KCNQ1: variants seen among roughly 807,000 people sequenced by gnomAD.
KCNQ1 encodes the protein potassium voltage-gated channel subfamily Q member 1.
Under a neutral mutation model 72.4 loss-of-function variants are expected in KCNQ1, and 49 were observed. That is an observed-to-expected ratio of 0.68 (90% CI 0.54 to 0.86). The LOEUF is 0.86. Among genes scored for constraint, KCNQ1 ranks in the 40% least tolerant of loss-of-function variants. KCNQ1 has a pLI of 0.00. For synonymous variants in KCNQ1, 450 were observed against 412.6 expected (o/e 1.09, Z -1.10); for missense variants, 790 against 945.1 (o/e 0.84, Z 2.15).
In KCNQ1 at chr11:2,769,055, CCTAT is replaced by C. The variant is rs1846546457; in HGVS notation, c.1590+139_1590+142del. On this transcript the variant is annotated intron_variant, in intron 12 of 15. Transcript: ENST00000155840. The surrounding 1 kb of genome is among the most constrained non-coding windows in gnomAD (Gnocchi z 4.6). ...TCCGCCCCCAAGCCACACAGGCAGGCCTATCTGAGACCTGACAGTGCCTACCCCA... is the reference window on the plus strand; with the variant it reads ...TCCGCCCCCAAGCCACACAGGCAGGCCTGAGACCTGACAGTGCCTACCCCA... 1.3e-6 allele frequency: 1 copy of C among 782,766 alleles called. No homozygotes were observed. The allele number at this position is 782,766 out of a possible 1,614,324, so 48.5% of individuals were successfully genotyped here. A position where few individuals can be genotyped will look rare whatever the true frequency, so the allele number is the denominator to read the frequency against.
At chr11:2,580,745 T>C (rs1848487013) in intron 6 of KCNQ1, among the ~76,000 whole-genome samples, 1 of 152,314 alleles carries the variant, frequency 6.6e-6, no homozygotes, top group Admixed American at 6.5e-5. Context: ...ACCCCCACCT[T>C]GGGCGCTGGT....
intron 1 of KCNQ1, among the ~76,000 whole-genome samples, chr11:2,502,257 T>C (rs1847028792): frequency 6.6e-6 from 1 of 152,174 alleles, no homozygotes; most frequent in Non-Finnish European, 1.5e-5. Flanking sequence ...AGTCAAATTA[T>C]CCTTGTTTGC....
rs1208008922 is a variant in KCNQ1, at chr11:2,506,156, CAA to C, written c.387-21770_387-21769del. 3.9e-5 allele frequency among the ~76,000 whole-genome samples: 6 copies of C among 152,292 alleles called. No individual in the cohort carries two copies. The East Asian group carries it at 1.2e-3, about 29-fold the overall frequency. On this transcript the variant is annotated intron_variant, in intron 1 of 15. Coordinates refer to ENST00000155840, the MANE Select transcript of KCNQ1 (RefSeq NM_000218.3). ...GTATTCAAGAAATCATCCTCAAATC[CAA>C]AGTCTTTCTATTTTCTCCTATGTGT...
chr11:2,610,850 G>T (rs1279015345), intron 10 of KCNQ1: 3 of 397,602 alleles, frequency 7.5e-6, no homozygotes, highest in African/African-American at 4.1e-5. Context: ...ACAGGGGAGG[G>T]TATTAAGCAG....
At position 2,796,819 on chromosome 11, in the gene KCNQ1, C is replaced by T. The variant is rs1384366788; in HGVS notation, c.1794+18782C>T. Reference sequence around the variant, plus strand: ...ACAAGCCCCCACTGCTGCGCCGTCCCTCCTGCGCCACCTGACAGATGTGGC... The same window carrying T: ...ACAAGCCCCCACTGCTGCGCCGTCCTTCCTGCGCCACCTGACAGATGTGGC... On this transcript the variant is annotated intron_variant, in intron 15 of 15. Transcript: ENST00000155840. 2.0e-5 allele frequency among the ~76,000 whole-genome samples: 3 copies of T among 152,224 alleles called. No homozygotes were observed. In the East Asian group the frequency reaches 5.8e-4, roughly 29 times the overall value.
At position 2,608,385 on chromosome 11, in the gene KCNQ1, A is replaced by G; in HGVS notation, c.1393+19531A>G. The G allele has an allele frequency of 2.5e-6, 1 of 398,586 alleles. No individual in the cohort carries two copies. Among genetic ancestry groups the G allele is most frequent in the Non-Finnish European group, 4.4e-6 (1 of 226,050 alleles). 24.7% of individuals were successfully genotyped at this position (398,586 alleles called of 1,614,324 possible). On this transcript the variant is annotated intron_variant, in intron 10 of 15. Transcript: ENST00000155840. This position sits in a 1 kb window ranked among gnomAD's most constrained non-coding sequence, Gnocchi z 4.6. ...AATTTGTCAATTTCATCTAAGTTTTATAATTTATTGGCACAAAATTGTTCA... is the reference window on the plus strand; with the variant it reads ...AATTTGTCAATTTCATCTAAGTTTTGTAATTTATTGGCACAAAATTGTTCA...
intron 1 of KCNQ1, among the ~76,000 whole-genome samples, chr11:2,489,946 G>A (rs538576476): frequency 4.9e-4 from 74 of 152,160 alleles, no homozygotes; most frequent in Non-Finnish European, 9.4e-4. Context: ...CCACAGTGGG[G>A]TAGAGCACCA....
At chr11:2,575,070 C>T (rs1338685856) in intron 6 of KCNQ1, among the ~76,000 whole-genome samples, 20 of 152,174 alleles carry the variant, frequency 1.3e-4, no homozygotes, top group Admixed American at 9.8e-4. Context: ...GTACTGGCCC[C>T]GGCACGGCTG....
At chr11:2,743,709 C>T (rs1846094823) in intron 11 of KCNQ1, among the ~76,000 whole-genome samples, 1 of 152,228 alleles carries the variant, frequency 6.6e-6, no homozygotes, top group South Asian at 2.1e-4. Context: ...CTTTAACCAG[C>T]CTTCTTGATT....
At chr11:2,527,718 G>A (rs1246052013) in intron 1 of KCNQ1, among the ~76,000 whole-genome samples, 1 of 152,228 alleles carries the variant, frequency 6.6e-6, no homozygotes, top group Non-Finnish European at 1.5e-5. Context: ...AGCATGTGTT[G>A]GTGCTTCGTC....
chr11:2,808,297 G>A lies in KCNQ1; in HGVS notation c.1794+30260G>A, dbSNP rs900879926. ...GTGGAAGATAATGGAGGTGTTACGG[G>A]GATGGGCTAGAACTCGGTCCTGGCA... On this transcript the variant is annotated intron_variant, in intron 15 of 15. Coordinates refer to ENST00000155840, the MANE Select transcript of KCNQ1 (RefSeq NM_000218.3). The surrounding 1 kb of genome is among the most constrained non-coding windows in gnomAD (Gnocchi z 6.0). 1.5e-4 allele frequency among the ~76,000 whole-genome samples: 23 copies of A among 152,214 alleles called. No homozygotes were observed. The highest frequency in any genetic ancestry group is 2.8e-4 in the Non-Finnish European group (19 of 68,050).
chr11:2,490,060 C>T (rs1186180467), intron 1 of KCNQ1, among the ~76,000 whole-genome samples: 1 of 152,218 alleles, frequency 6.6e-6, no homozygotes, highest in Non-Finnish European at 1.5e-5. Flanking sequence ...GGTGAGTCCA[C>T]AGCCTAGAAG....
intron 10 of KCNQ1, chr11:2,656,279 A>T (rs531168771): frequency 1.0e-5 from 4 of 398,542 alleles, no homozygotes; most frequent in African/African-American, 2.1e-5. Flanking sequence ...CTCAGCCCCA[A>T]ATCTCTAAAA....
rs1267567744 is a variant in KCNQ1 at position 2,612,181 on chromosome 11, G to C, written c.1393+23327G>C. 2.0e-5 allele frequency: 8 copies of C among 398,556 alleles called. No individual in the cohort carries two copies. In the South Asian group the frequency reaches 6.4e-4, roughly 32 times the overall value. 24.7% of individuals were successfully genotyped at this position (398,556 alleles called of 1,614,324 possible). A position where few individuals can be genotyped will look rare whatever the true frequency, so the allele number is the denominator to read the frequency against. On this transcript the variant is annotated intron_variant, in intron 10 of 15. Coordinates refer to ENST00000155840, the MANE Select transcript of KCNQ1 (RefSeq NM_000218.3). The surrounding 1 kb of genome is among the most constrained non-coding windows in gnomAD (Gnocchi z 5.5). The stretch of plus-strand genomic sequence containing the variant: ...GCTACACAGCAGGAGGTGAGCAGCA[G>C]GCAAGCAAGCATTACTGCCTGAGCT...
intron 5 of KCNQ1, 82 bp from the exon 6 acceptor site, chr11:2,572,764 G>T: frequency 6.3e-7 from 1 of 1,582,538 alleles, no homozygotes; most frequent in Non-Finnish European, 8.6e-7. Flanking sequence ...GTGATCGCTG[G>T]GACTCGCTGC....
chr11:2,779,915 C>T (rs556360729), intron 15 of KCNQ1, among the ~76,000 whole-genome samples: 17 of 152,326 alleles, frequency 1.1e-4, no homozygotes, highest in Non-Finnish European at 1.9e-4. Context: ...AAGCATTTTC[C>T]GGAGTCCCTG....
At chr11:2,572,542 G>T (rs1393496842) in intron 5 of KCNQ1, among the ~76,000 whole-genome samples, 1 of 152,204 alleles carries the variant, frequency 6.6e-6, no homozygotes, top group African/African-American at 2.4e-5. Flanking sequence ...CCTGGGTCCT[G>T]GTCCATTCTT....
chr11:2,541,943 A>AAGGCC lies in KCNQ1; in HGVS notation c.477+13926_477+13930dup, dbSNP rs1334953092. 2.0e-5 allele frequency among the ~76,000 whole-genome samples: 3 copies of AAGGCC among 152,108 alleles called. No individual in the cohort carries two copies. The highest frequency in any genetic ancestry group is 7.2e-5 in the African/African-American group (3 of 41,430). ...GGAGGCCTCTGCACCCCTCCTGTGA[A>AAGGCC]AGGCCGGCGCAGAGCTGCACCGTGG... On this transcript the variant is annotated intron_variant, in intron 2 of 15. Coordinates refer to ENST00000155840, the MANE Select transcript of KCNQ1 (RefSeq NM_000218.3). The surrounding 1 kb of genome is among the most constrained non-coding windows in gnomAD (Gnocchi z 4.8).
Position 2,527,948 on chromosome 11 carries a change from G to A in KCNQ1, c.407G>A (p.Cys136Tyr). Residue 136 changes from cysteine to tyrosine, a missense_variant, in exon 2 of 16, where the codon TGC (cysteine) becomes TAC (tyrosine). Coordinates refer to ENST00000155840, the MANE Select transcript of KCNQ1 (RefSeq NM_000218.3). ...TGCAGCTTCCTCATCGTCCTGGTCTGCCTCATCTTCAGCGTGCTGTCCACC... is the reference window on the plus strand; with the variant it reads ...TGCAGCTTCCTCATCGTCCTGGTCTACCTCATCTTCAGCGTGCTGTCCACC... ...HFAVFLIVLVCLIFSVLSTIE... is the reference protein window; with the variant it reads ...HFAVFLIVLVYLIFSVLSTIE... The A allele has an allele frequency of 6.2e-7, 1 of 1,614,098 alleles. No homozygotes were observed. Among genetic ancestry groups the A allele is most frequent in the Non-Finnish European group, 8.5e-7 (1 of 1,180,014 alleles).
Sources: gnomAD v4.1 joint callset for allele counts (sites outside exome capture counted in the v4.1 genomes callset) on GRCh38, gnomAD v4.1.1 for gene constraint, Gnocchi (gnomAD v3.1) non-coding constraint, MANE v1.5 for transcripts, NCBI Gene and HGNC (gene_info 2026-07-23, HGNC 2026-07-21) for gene names.